The following RALYL variants were observed in gnomAD, a reference collection of about 807,000 sequenced individuals.
RALYL encodes RALY RNA binding protein like, also known as RNA-binding Raly-like protein.
A neutral mutation model predicts 35.1 loss-of-function variants in RALYL; 29 were observed. The ratio of observed to expected loss-of-function variants is 0.83; its 90% CI spans 0.61 to 1.13. The LOEUF is 1.13. Ranked by LOEUF, RALYL falls within the 50% of genes most tolerant of loss-of-function variation. The pLI is 0.00. For missense variants in RALYL, 359 were observed against 360.4 expected (o/e 1.00, Z 0.03); for synonymous variants, 120 against 127.6 (o/e 0.94, Z 0.40).
chr8:84,340,389 A>G (rs1022346211), intron 1 of RALYL, among the ~76,000 whole-genome samples: 3 of 152,080 alleles, frequency 2.0e-5, no homozygotes, highest in African/African-American at 7.2e-5. Flanking sequence ...CTGGAACTTA[A>G]TCATCTTACA....
At chr8:84,833,004 G>A (rs1831219742) in intron 4 of RALYL, among the ~76,000 whole-genome samples, 1 of 152,090 alleles carries the variant, frequency 6.6e-6, no homozygotes, top group African/African-American at 2.4e-5. Context: ...CCACAATGAA[G>A]AAATTCAATT....
Position 84,916,091 on chromosome 8 carries a change from A to G in RALYL, c.859-4803A>G, listed in dbSNP as rs111895483. On this transcript the variant is annotated intron_variant, in intron 8 of 8. Transcript: ENST00000521268. Reference sequence around the variant, plus strand: ...TAAAACTGAAGCTAAACATAAAACAATACTATGAAACAATCATAAAAGGAA... The same window carrying G: ...TAAAACTGAAGCTAAACATAAAACAGTACTATGAAACAATCATAAAAGGAA... 7.8e-4 allele frequency among the ~76,000 whole-genome samples: 118 copies of G among 152,234 alleles called. 1 individual carries two copies. The highest frequency in any genetic ancestry group is 2.8e-3 in the African/African-American group (115 of 41,560).
intron 1 of RALYL, among the ~76,000 whole-genome samples, chr8:84,313,171 G>T (rs539577939): frequency 6.6e-6 from 1 of 152,316 alleles, no homozygotes; most frequent in South Asian, 2.1e-4. Flanking sequence ...GGCTGGAGGT[G>T]GAGCATCTGG....
chr8:84,535,602 A>ATTATTTTATTTTTTTTTATTTTATT (rs2059549231), intron 2 of RALYL, among the ~76,000 whole-genome samples: 1 of 138,394 alleles, frequency 7.2e-6, no homozygotes, highest in Non-Finnish European at 1.6e-5. Flanking sequence ...CGCCCGGCTA[A>ATTATTTTATTTTTTTTTATTTTATT]TTATTTTATT....
intron 8 of RALYL, among the ~76,000 whole-genome samples, chr8:84,912,297 T>G (rs1425941159): frequency 6.6e-6 from 1 of 152,046 alleles, no homozygotes; most frequent in South Asian, 2.1e-4. Flanking sequence ...CCTATCACCC[T>G]TATCATTTAG....
At position 84,500,432 on chromosome 8, in the gene RALYL, A is replaced by C. The variant is rs375195244; in HGVS notation, c.-23-28867A>C. ...AGTACTGCTATTTAAGACCTTACGC[A>C]GTAGCTCTTGAACTGGAAAATTTAT... On this transcript the variant is annotated intron_variant, in intron 1 of 8. Coordinates refer to ENST00000521268, the MANE Select transcript of RALYL (RefSeq NM_173848.7). Among the ~76,000 whole-genome samples, 21 of 152,308 alleles carry C rather than the reference A, an allele frequency of 1.4e-4. 2 individuals carry two copies. In the South Asian group the frequency reaches 3.9e-3, roughly 29 times the overall value.
rs1393660695 is a variant in RALYL, at chr8:84,638,867, CATAAATATATAT to C, written c.256+109294_256+109305del. On this transcript the variant is annotated intron_variant, in intron 2 of 8. Transcript: ENST00000521268. Reference sequence around the variant, plus strand: ...CAGAAATACGAGTATCTAATGCACGCATAAATATATATATATATATATATATATATATATATA... The same window carrying C: ...CAGAAATACGAGTATCTAATGCACGCATATATATATATATATATATATATA... Among the ~76,000 whole-genome samples, 950 of 102,064 alleles carry C rather than the reference CATAAATATATAT, an allele frequency of 9.3e-3. 30 individuals carry two copies. The highest frequency in any genetic ancestry group is 0.017 in the Middle Eastern group (4 of 230). The allele number at this position is 102,064 out of a possible 152,430, so 67.0% of individuals were successfully genotyped here.
intron 1 of RALYL, among the ~76,000 whole-genome samples, chr8:84,430,623 G>GT (rs938441257): frequency 1.1e-4 from 17 of 151,938 alleles, no homozygotes; most frequent in African/African-American, 3.4e-4. Flanking sequence ...AAAAAATCAT[G>GT]TTTTTTATAA....
intron 2 of RALYL, among the ~76,000 whole-genome samples, chr8:84,597,974 T>A (rs1432053034): frequency 6.6e-6 from 1 of 152,152 alleles, no homozygotes; most frequent in African/African-American, 2.4e-5. Flanking sequence ...ATTTTACTGA[T>A]ATTCTGTCAC....
In RALYL at chr8:84,443,464, G is replaced by C. The variant is rs576411753; in HGVS notation, c.-23-85835G>C. 4.3e-4 allele frequency among the ~76,000 whole-genome samples: 66 copies of C among 152,240 alleles called. 2 individuals are homozygous for C. In the South Asian group the frequency reaches 6.0e-3, roughly 14 times the overall value. Reference sequence around the variant, plus strand: ...CCATCTAATTTATCAGCGAGCATTAGAGCTGATTGGATGCCTTGTCATGCA... The same window carrying C: ...CCATCTAATTTATCAGCGAGCATTACAGCTGATTGGATGCCTTGTCATGCA... On this transcript the variant is annotated intron_variant, in intron 1 of 8. Transcript: ENST00000521268.
At chr8:84,362,982 C>A (rs901168145) in intron 1 of RALYL, among the ~76,000 whole-genome samples, 3 of 150,844 alleles carry the variant, frequency 2.0e-5, no homozygotes, top group African/African-American at 7.4e-5. Flanking sequence ...ATTGAAGGAT[C>A]AGAAACACAC....
At chr8:84,470,081 T>G (rs2052497800) in intron 1 of RALYL, among the ~76,000 whole-genome samples, 1 of 152,302 alleles carries the variant, frequency 6.6e-6, no homozygotes, top group South Asian at 2.1e-4. Context: ...CAGATGGAAA[T>G]GCAGAAATCA....
At chr8:84,414,890 C>A (rs1283405200) in intron 1 of RALYL, among the ~76,000 whole-genome samples, 5 of 152,248 alleles carry the variant, frequency 3.3e-5, no homozygotes, top group Middle Eastern at 3.4e-3. Flanking sequence ...GTGGTTCTTA[C>A]CCCTGAATGT....
intron 2 of RALYL, among the ~76,000 whole-genome samples, chr8:84,713,744 GAAAAT>G (rs1209533621): frequency 6.6e-6 from 1 of 151,542 alleles, no homozygotes; most frequent in Non-Finnish European, 1.5e-5. Context: ...TATATTCAAA[GAAAAT>G]AAAATTAATT....
chr8:84,417,759 T>G (rs1586993694), intron 1 of RALYL, among the ~76,000 whole-genome samples: 1 of 152,098 alleles, frequency 6.6e-6, no homozygotes, highest in East Asian at 1.9e-4. Context: ...ATTTTCATAT[T>G]TATATTTTTC....
chr8:84,291,702 T>C (rs1427649207), intron 1 of RALYL, among the ~76,000 whole-genome samples: 1 of 151,892 alleles, frequency 6.6e-6, no homozygotes, highest in African/African-American at 2.4e-5. Flanking sequence ...AGAGAGCTTA[T>C]TGTTTGAATG....
intron 2 of RALYL, among the ~76,000 whole-genome samples, chr8:84,729,194 C>T (rs1363527184): frequency 1.3e-5 from 2 of 151,916 alleles, no homozygotes; most frequent in Non-Finnish European, 2.9e-5. Context: ...CCTTCACATC[C>T]CTTGTAAGTT....
intron 1 of RALYL, among the ~76,000 whole-genome samples, chr8:84,203,544 A>C (rs893231150): frequency 6.6e-6 from 1 of 152,084 alleles, no homozygotes; most frequent in Non-Finnish European, 1.5e-5. Flanking sequence ...TTCCACAACA[A>C]TTTTACAGAA....
chr8:84,920,240 T>C (rs1052975627), intron 8 of RALYL, among the ~76,000 whole-genome samples: 1 of 152,100 alleles, frequency 6.6e-6, no homozygotes, highest in Non-Finnish European at 1.5e-5. Context: ...TGGAACTTGA[T>C]AGGATTCTAA....
Sources: gnomAD v4.1 joint callset for allele counts (sites outside exome capture counted in the v4.1 genomes callset) on GRCh38, gnomAD v4.1.1 for gene constraint, MANE v1.5 for transcripts, NCBI Gene and HGNC (gene_info 2026-07-23, HGNC 2026-07-21) for gene names.